PTN: variants seen among roughly 807,000 people sequenced by gnomAD.
PTN encodes heparin affin regulatory protein.
Under a neutral mutation model 24.1 loss-of-function variants are expected in PTN, and 18 were observed. The observed-to-expected ratio is 0.75, with a 90% CI of 0.52 to 1.11. PTN has a LOEUF of 1.11. Among genes scored for constraint, PTN ranks in the 50% least tolerant of loss-of-function variants. The pLI, the probability that PTN is intolerant of heterozygous loss-of-function variation, is 0.00. For synonymous variants in PTN, 78 were observed against 68.6 expected, an observed-to-expected ratio of 1.14 and a Z score of -0.67; for missense variants, 163 against 198.8, an observed-to-expected ratio of 0.82 and a Z score of 1.08.
intron 1 of PTN, among the ~76,000 whole-genome samples, chr7:137,339,066 C>T (rs993299892): frequency 2.0e-5 from 3 of 151,336 alleles, no homozygotes; most frequent in Admixed American, 1.3e-4. Context: ...AAAGGAGTGC[C>T]CAAAGAAATT....
In PTN at chr7:137,251,399, C is replaced by A; in HGVS notation, c.290-8G>T. Reference sequence around the variant, plus strand: ...ACTGGTATTTGCACTCCGCTAAAGGCAGGGTAGAACCAAACAGAAATCCTT... The same window carrying A: ...ACTGGTATTTGCACTCCGCTAAAGGAAGGGTAGAACCAAACAGAAATCCTT... On this transcript the variant is annotated splice_polypyrimidine_tract_variant and splice_region_variant and intron_variant, in intron 3 of 4. Transcript: ENST00000348225. 6.2e-7 allele frequency: 1 copy of A among 1,611,636 alleles called. No homozygotes were observed. Among genetic ancestry groups the A allele is most frequent in the South Asian group, 1.1e-5 (1 of 90,846 alleles).
intron 1 of PTN, among the ~76,000 whole-genome samples, chr7:137,273,171 C>A (rs2128874679): frequency 6.6e-6 from 1 of 152,220 alleles, no homozygotes; most frequent in East Asian, 1.9e-4. Context: ...ACAGTGTTGA[C>A]CCACAGATTT....
At chr7:137,237,425 G>A (rs971468274) in intron 4 of PTN, among the ~76,000 whole-genome samples, 1 of 152,040 alleles carries the variant, frequency 6.6e-6, no homozygotes, top group East Asian at 1.9e-4. Context: ...GCAGACTAAT[G>A]CATCCGCGAA....
rs74861897 is a variant in PTN at position 137,311,525 on chromosome 7, C to A, written c.-2+31914G>T. On this transcript the variant is annotated intron_variant, in intron 1 of 4. Transcript: ENST00000348225. ...CCTTCCCCACTAAGAGTAGTCATTT[C>A]TAGATTTTAATTTAAAATGAGAGAT... Among the ~76,000 whole-genome samples the A allele has an allele frequency of 1.1e-4, 17 of 152,258 alleles. No homozygotes were observed. The East Asian group carries it at 1.9e-3, about 17-fold the overall frequency.
intron 1 of PTN, among the ~76,000 whole-genome samples, chr7:137,331,256 G>A (rs567258093): frequency 1.3e-5 from 2 of 152,278 alleles, no homozygotes; most frequent in South Asian, 4.1e-4. Context: ...CCTTATTCCT[G>A]CTGAACTGCT....
intron 1 of PTN, among the ~76,000 whole-genome samples, chr7:137,282,009 T>A (rs573604319): frequency 2.6e-5 from 4 of 152,346 alleles, no homozygotes; most frequent in Admixed American, 2.0e-4. Context: ...AACACCAAAC[T>A]ACACCTGTGC....
rs187628444 is a variant in PTN, at chr7:137,248,030, A to T, written c.451+3200T>A. Among the ~76,000 whole-genome samples the T allele has an allele frequency of 1.2e-3, 180 of 152,270 alleles. 1 individual carries two copies. The highest frequency in any genetic ancestry group is 4.1e-3 in the African/African-American group (172 of 41,550). On this transcript the variant is annotated intron_variant, in intron 4 of 4. Coordinates refer to ENST00000348225, the MANE Select transcript of PTN (RefSeq NM_002825.7). Reference sequence around the variant, plus strand: ...TTCCTTTATAATAATACCCACCCGCAAGGATATATGGGACTTTATAAGTTA... The same window carrying T: ...TTCCTTTATAATAATACCCACCCGCTAGGATATATGGGACTTTATAAGTTA...
chr7:137,308,117 G>C (rs998394904), intron 1 of PTN, among the ~76,000 whole-genome samples: 1 of 152,072 alleles, frequency 6.6e-6, no homozygotes, highest in Admixed American at 6.6e-5. Flanking sequence ...TTCTTACGGC[G>C]TGAATCTTTG....
intron 1 of PTN, among the ~76,000 whole-genome samples, chr7:137,341,171 G>A (rs1810527736): frequency 6.6e-6 from 1 of 152,122 alleles, no homozygotes; most frequent in South Asian, 2.1e-4. Flanking sequence ...AATATTTAAA[G>A]TTAAAATATT....
Position 137,281,389 on chromosome 7 carries a change from G to T in PTN, c.-1-26415C>A, listed in dbSNP as rs144430032. ...TCCATTCATGATTCAAGGAGTTCAA[G>T]GAACAAAACCAGCTACTGTGTGCTT... On this transcript the variant is annotated intron_variant, in intron 1 of 4. Transcript: ENST00000348225. Among the ~76,000 whole-genome samples the T allele has an allele frequency of 7.7e-4, 117 of 152,250 alleles. No individual in the cohort carries two copies. The Middle Eastern group carries it at 0.014, about 18-fold the overall frequency.
chr7:137,245,142 G>A (rs1224496827), intron 4 of PTN, among the ~76,000 whole-genome samples: 3 of 152,152 alleles, frequency 2.0e-5, no homozygotes, highest in Non-Finnish European at 2.9e-5. Context: ...CAAAACAAAA[G>A]TGGTCAGGAA....
intron 1 of PTN, among the ~76,000 whole-genome samples, chr7:137,277,885 AGATAGATAGATAGATGAGAT>A (rs1809387909): frequency 1.4e-3 from 2 of 1,422 alleles, no homozygotes; most frequent in Admixed American, 9.3e-3. Context: ...ATATATATGT[AGATAGATAGATAGATGAGAT>A]GATAGATAGA....
chr7:137,237,831 CTTAAT>C (rs1383084016), intron 4 of PTN, among the ~76,000 whole-genome samples: 17 of 152,216 alleles, frequency 1.1e-4, no homozygotes, highest in African/African-American at 3.9e-4. Context: ...TTCAGAGCAG[CTTAAT>C]TTATTACTCT....
intron 1 of PTN, among the ~76,000 whole-genome samples, chr7:137,257,592 C>T (rs1808956649): frequency 6.6e-6 from 1 of 152,214 alleles, no homozygotes; most frequent in African/African-American, 2.4e-5. Flanking sequence ...TCCCCAGAGG[C>T]TGGCTGAAAG....
chr7:137,291,634 C>T (rs984253564), intron 1 of PTN, among the ~76,000 whole-genome samples: 5 of 152,050 alleles, frequency 3.3e-5, no homozygotes, highest in African/African-American at 4.8e-5. Flanking sequence ...ACATCCCCAA[C>T]GGCATCCCAG....
intron 1 of PTN, among the ~76,000 whole-genome samples, chr7:137,302,743 A>G (rs926322004): frequency 1.3e-5 from 2 of 152,076 alleles, no homozygotes; most frequent in East Asian, 3.9e-4. Flanking sequence ...ATTTTAAGGC[A>G]TTTACATTTG....
At chr7:137,243,445 CA>C (rs1169092730) in intron 4 of PTN, among the ~76,000 whole-genome samples, 1 of 152,198 alleles carries the variant, frequency 6.6e-6, no homozygotes, top group Non-Finnish European at 1.5e-5. Context: ...AGCATCAATG[CA>C]TCATCTAGCC....
chr7:137,245,313 T>C (rs955993399), intron 4 of PTN, among the ~76,000 whole-genome samples: 11 of 152,168 alleles, frequency 7.2e-5, no homozygotes, highest in Admixed American at 5.9e-4. Context: ...ACGCACCACA[T>C]AGCAATGTTT....
chr7:137,228,577 TC>T lies in PTN; in HGVS notation c.452-503del, dbSNP rs1808374414. The stretch of plus-strand genomic sequence containing the variant: ...AATTGCAAAGTGGTTCCACTCCAGG[TC>T]GGCCCTCTGCTTATATATTTGGCCA... On this transcript the variant is annotated intron_variant, in intron 4 of 4. Transcript: ENST00000348225. 2.0e-5 allele frequency among the ~76,000 whole-genome samples: 3 copies of T among 151,738 alleles called. No individual in the cohort carries two copies. The Admixed American group carries it at 2.0e-4, about 10-fold the overall frequency.
Sources: allele counts gnomAD v4.1 joint callset (sites outside exome capture counted in the v4.1 genomes callset), GRCh38; gene constraint gnomAD v4.1.1; transcripts MANE v1.5; gene names NCBI Gene and HGNC (gene_info 2026-07-23, HGNC 2026-07-21).